MS4A10: variants seen among roughly 807,000 people sequenced by gnomAD.
MS4A10 encodes membrane spanning 4-domains A10.
MS4A10 carries 27 observed loss-of-function variants against 27.7 expected under a neutral mutation model. That is an observed-to-expected ratio of 0.98 (90% CI 0.72 to 1.35). MS4A10 has a LOEUF of 1.35. Ranked by LOEUF, MS4A10 falls within the 40% of genes most tolerant of loss-of-function variation. The pLI, the probability that MS4A10 is intolerant of heterozygous loss-of-function variation, is 0.00. For synonymous variants in MS4A10, 139 were observed against 131.2 expected (o/e 1.06, Z -0.41); for missense variants, 338 against 324.7 (o/e 1.04, Z -0.32).
chr11:60,799,912 A>T lies in MS4A10; in HGVS notation c.*3A>T. Reference sequence around the variant, plus strand: ...TCTGGACCCAGACTGCAAACTGAAGAGCCACTGCCTGACAATGCCCAAACT... The same window carrying T: ...TCTGGACCCAGACTGCAAACTGAAGTGCCACTGCCTGACAATGCCCAAACT... On this transcript the variant is annotated 3_prime_UTR_variant, in exon 8 of 8. Transcript: ENST00000308287. 9 of 1,614,218 alleles carry T rather than the reference A, an allele frequency of 5.6e-6. No homozygotes were observed. The highest frequency in any genetic ancestry group is 7.6e-6 in the Non-Finnish European group (9 of 1,180,038).
At chr11:60,792,948 C>T (rs1854455510) in intron 4 of MS4A10, among the ~76,000 whole-genome samples, 1 of 152,216 alleles carries the variant, frequency 6.6e-6, no homozygotes, top group Admixed American at 6.5e-5. Context: ...TATTTCTGGG[C>T]AGAATGTGCC....
chr11:60,791,711 C>T (rs1038721375), intron 3 of MS4A10, among the ~76,000 whole-genome samples: 2 of 152,260 alleles, frequency 1.3e-5, no homozygotes, highest in African/African-American at 4.8e-5. Flanking sequence ...GTCCACTGTT[C>T]TCACTGCCCA....
chr11:60,785,612 T>C (rs371614041), intron 1 of MS4A10, among the ~76,000 whole-genome samples, 191 bp downstream of exon 1: 3 of 152,054 alleles, frequency 2.0e-5, no homozygotes, highest in East Asian at 3.9e-4. Flanking sequence ...AGGGAGGAGA[T>C]GTGAGCCTTT....
intron 7 of MS4A10, among the ~76,000 whole-genome samples, chr11:60,799,185 A>C (rs192643015): frequency 6.6e-6 from 1 of 152,276 alleles, no homozygotes; most frequent in Non-Finnish European, 1.5e-5. Context: ...CCAGCTTGAA[A>C]GCTCTGAGAT....
intron 6 of MS4A10, among the ~76,000 whole-genome samples, chr11:60,796,529 A>T (rs1012608965): frequency 6.6e-6 from 1 of 152,060 alleles, no homozygotes; most frequent in African/African-American, 2.4e-5. Context: ...CAAGTGATCC[A>T]CCACCCATGG....
chr11:60,800,159 T>C lies in MS4A10; in HGVS notation c.*250T>C, dbSNP rs1854609102. 1 of 536,196 alleles carries C rather than the reference T, an allele frequency of 1.9e-6. No individual in the cohort carries two copies. Among genetic ancestry groups the C allele is most frequent in the African/African-American group, 1.9e-5 (1 of 52,720 alleles). The allele number at this position is 536,196 out of a possible 1,614,324, so 33.2% of individuals were successfully genotyped here. A position where few individuals can be genotyped will look rare whatever the true frequency, so the allele number is the denominator to read the frequency against. ...TTGTTTCGCTTTGTTTTGTTTTCTTTTGTTTTGTTGAGATGGAGTCTCGCT... is the reference window on the plus strand; with the variant it reads ...TTGTTTCGCTTTGTTTTGTTTTCTTCTGTTTTGTTGAGATGGAGTCTCGCT... On this transcript the variant is annotated 3_prime_UTR_variant, in exon 8 of 8. Transcript: ENST00000308287.
chr11:60,796,177 C>T (rs1377030695), intron 6 of MS4A10, among the ~76,000 whole-genome samples: 1 of 132,928 alleles, frequency 7.5e-6, no homozygotes, highest in Non-Finnish European at 1.6e-5. Context: ...CTCTATTAAG[C>T]ATCAATCGAT....
At chr11:60,797,896 G>A (rs1854557188) in intron 6 of MS4A10, among the ~76,000 whole-genome samples, 1 of 152,240 alleles carries the variant, frequency 6.6e-6, no homozygotes, top group African/African-American at 2.4e-5. Flanking sequence ...GCCATGCCAG[G>A]TTCCCCAATG....
rs1854413677 is a variant in MS4A10 at position 60,790,556 on chromosome 11, C to A, written c.183+38C>A. On this transcript the variant is annotated intron_variant, in intron 2 of 7. Transcript: ENST00000308287. ...TTCCCAGGGTCCCAGCAGTGGGAGG[C>A]AGAGGAGAGGGGGATATGAGGAGGA... 2.5e-6 allele frequency: 4 copies of A among 1,609,154 alleles called. No individual in the cohort carries two copies. The East Asian group carries it at 8.9e-5, about 36-fold the overall frequency.
chr11:60,788,078 G>GTTTGT (rs1469291417), intron 1 of MS4A10, among the ~76,000 whole-genome samples: 2 of 151,906 alleles, frequency 1.3e-5, no homozygotes, highest in African/African-American at 4.8e-5. Context: ...GGCCAATTAA[G>GTTTGT]TTTGGGAAAT....
At chr11:60,798,567 C>T (rs1440721181) in intron 7 of MS4A10, 53 bp downstream of exon 7, 101 of 1,382,012 alleles carry the variant, frequency 7.3e-5, no homozygotes, top group Non-Finnish European at 1.0e-4. Context: ...CGCTTGGCCC[C>T]TTCTCCCTGG....
At position 60,790,992 on chromosome 11, in the gene MS4A10, G is replaced by A. The variant is rs775920304; in HGVS notation, c.202G>A (p.Ala68Thr). ...CACCCAGGCCTTCCACATCACCATC[G>A]CTCTGCTGCACCTGGTCTTTGGGGG... ...KELGAFHITI[A>T]LLHLVFGGYL... Residue 68 changes from alanine to threonine, a missense_variant, in exon 3 of 8, where the codon GCT (alanine) becomes ACT (threonine). Ala to Thr is a moderately conservative substitution (Grantham distance 58). Coordinates refer to ENST00000308287, the MANE Select transcript of MS4A10 (RefSeq NM_206893.4). 17 of 1,614,032 alleles carry A rather than the reference G, an allele frequency of 1.1e-5. No homozygotes were observed. Among genetic ancestry groups the A allele is most frequent in the African/African-American group, 4.0e-5 (3 of 74,910 alleles).
chr11:60,791,229 A>G, intron 3 of MS4A10, 136 bp downstream of exon 3: 1 of 1,145,982 alleles, frequency 8.7e-7, no homozygotes, highest in South Asian at 1.6e-5. Flanking sequence ...CCCTTTCTCC[A>G]GTGTTCCTAG....
rs1024975713 is a variant in MS4A10 at position 60,785,438 on chromosome 11, T to C, written c.-23+17T>C. The C allele has an allele frequency of 2.0e-5, 3 of 152,286 alleles. No homozygotes were observed. The highest frequency in any genetic ancestry group is 6.5e-5 in the Admixed American group (1 of 15,274). The allele number at this position is 152,286 out of a possible 1,614,324, so 9.4% of individuals were successfully genotyped here. ...GGTCCTGGGGTGAGTGGTCCCCCCA[T>C]GGCAGGAACAGAGGGGAGTGATTTT... On this transcript the variant is annotated intron_variant, in intron 1 of 7. Transcript: ENST00000308287.
Position 60,792,264 on chromosome 11 carries a change from G to T in MS4A10, c.304-1G>T. On this transcript the variant is annotated splice_acceptor_variant, in intron 3 of 7. Transcript: ENST00000308287. LOFTEE classifies it high-confidence loss of function. ...CTTTGACTTTCAAATCTGTCCTGCA[G>T]TTTCTCATTTCAGGGATCTTGGCGA... 6.2e-7 allele frequency: 1 copy of T among 1,613,620 alleles called. No homozygotes were observed. The highest frequency in any genetic ancestry group is 8.5e-7 in the Non-Finnish European group (1 of 1,179,562).
rs1318275346 is a variant in MS4A10, at chr11:60,790,312, A to G, written c.-22-2A>G. On this transcript the variant is annotated splice_acceptor_variant, in intron 1 of 7. Transcript: ENST00000308287. LOFTEE classifies it low-confidence loss of function (5UTR_SPLICE). Reference sequence around the variant, plus strand: ...CTGACGGCCTTCCTCCCCGTCCTGCAGCCAGGGCCCCCATCCAGCATCAAT... The same window carrying G: ...CTGACGGCCTTCCTCCCCGTCCTGCGGCCAGGGCCCCCATCCAGCATCAAT... 6.2e-7 allele frequency: 1 copy of G among 1,612,234 alleles called. No individual in the cohort carries two copies. The highest frequency in any genetic ancestry group is 1.1e-5 in the South Asian group (1 of 90,990).
intron 4 of MS4A10, among the ~76,000 whole-genome samples, chr11:60,793,569 T>G (rs924354809): frequency 6.6e-6 from 1 of 152,156 alleles, no homozygotes; most frequent in Non-Finnish European, 1.5e-5. Flanking sequence ...TCCTGACCTT[T>G]CTGGTGGGGA....
At position 60,790,521 on chromosome 11, in the gene MS4A10, G is replaced by A. The variant is rs1401778351; in HGVS notation, c.183+3G>A. The A allele has an allele frequency of 1.2e-6, 2 of 1,613,962 alleles. No individual in the cohort carries two copies. The highest frequency in any genetic ancestry group is 8.5e-7 in the Non-Finnish European group (1 of 1,179,938). On this transcript the variant is annotated splice_donor_region_variant and intron_variant, in intron 2 of 7. Coordinates refer to ENST00000308287, the MANE Select transcript of MS4A10 (RefSeq NM_206893.4). The stretch of plus-strand genomic sequence containing the variant: ...GCAGCCTTCTTAAGGAGCTGGGGGT[G>A]AGCATCCACTTCCCAGGGTCCCAGC...
At chr11:60,785,587 A>G (rs1486877927) in intron 1 of MS4A10, among the ~76,000 whole-genome samples, 166 bp downstream of exon 1, 1 of 152,118 alleles carries the variant, frequency 6.6e-6, no homozygotes, top group Non-Finnish European at 1.5e-5. Flanking sequence ...GAGCGGTGTT[A>G]CTTAAACTCC....
Sources: allele counts gnomAD v4.1 joint callset (sites outside exome capture counted in the v4.1 genomes callset), GRCh38; gene constraint gnomAD v4.1.1; transcripts MANE v1.5; gene names NCBI Gene and HGNC (gene_info 2026-07-23, HGNC 2026-07-21).